MYO16: variants seen among roughly 807,000 people sequenced by gnomAD.
The protein encoded by MYO16 is unconventional myosin-XVI.
In MYO16, 94 loss-of-function variants were observed where a neutral mutation model predicts 205.3. The observed-to-expected ratio is 0.46, with a 90% CI of 0.39 to 0.54. MYO16 has a LOEUF of 0.54. Among genes scored for constraint, MYO16 ranks in the 20% least tolerant of loss-of-function variants. The pLI is 0.00. For missense variants in MYO16, 2,315 were observed against 2,387.5 expected (o/e 0.97, Z 0.63); for synonymous variants, 988 against 954.0 (o/e 1.04, Z -0.66).
chr13:108,855,696 G>A lies in MYO16; in HGVS notation c.1359+143G>A, dbSNP rs1343741717. On this transcript the variant is annotated intron_variant, in intron 11 of 34. Transcript: ENST00000457511. ...TAGCTGAAGTTGAATTTCTTAAGGT[G>A]AGTTTAGCTTCATTCTGGCTCAGTT... is the stretch of plus-strand genomic sequence containing the variant. The A allele has an allele frequency of 7.0e-6, 4 of 567,932 alleles. No homozygotes were observed. In the African/African-American group the frequency reaches 7.4e-5, roughly 11 times the overall value. The allele number at this position is 567,932 out of a possible 1,614,324, so 35.2% of individuals were successfully genotyped here.
At chr13:108,789,933 A>G (rs576241691) in intron 5 of MYO16, among the ~76,000 whole-genome samples, 3 of 152,182 alleles carry the variant, frequency 2.0e-5, no homozygotes, top group Non-Finnish European at 2.9e-5. Context: ...ACCAAGGAGG[A>G]AGGATATGAT....
Position 109,140,600 on chromosome 13 carries a change from A to C in MYO16, c.4388A>C (p.Asp1463Ala). 1 of 1,521,232 alleles carries C rather than the reference A, an allele frequency of 6.6e-7. No individual in the cohort carries two copies. The highest frequency in any genetic ancestry group is 8.8e-7 in the Non-Finnish European group (1 of 1,140,630). The allele number at this position is 1,521,232 out of a possible 1,614,324, so 94.2% of individuals were successfully genotyped here. A position where few individuals can be genotyped will look rare whatever the true frequency, so the allele number is the denominator to read the frequency against. Reference protein sequence around the residue: ...VYEEMKCCLPDDGGPGAGSFL... With the variant: ...VYEEMKCCLPADGGPGAGSFL... ...GAGGAGATGAAGTGTTGCCTGCCCGACGACGGCGGCCCGGGCGCGGGCTCC... is the reference window on the plus strand; with the variant it reads ...GAGGAGATGAAGTGTTGCCTGCCCGCCGACGGCGGCCCGGGCGCGGGCTCC... Residue 1463 changes from aspartate to alanine, a missense_variant, in exon 32 of 35, where the codon GAC becomes GCC. By Grantham distance (126) the Asp-to-Ala change is moderately radical. Coordinates refer to ENST00000457511, the MANE Select transcript of MYO16 (RefSeq NM_001198950.3). The surrounding 1 kb of genome is among the most constrained non-coding windows in gnomAD (Gnocchi z 8.0).
At chr13:108,774,690 G>A (rs542468549) in intron 4 of MYO16, among the ~76,000 whole-genome samples, 57 of 152,058 alleles carry the variant, frequency 3.7e-4, no homozygotes, top group South Asian at 2.3e-3. Context: ...AGGCTAACAA[G>A]TACTGTCAGT....
chr13:109,076,618 T>C (rs1888114214), intron 27 of MYO16, among the ~76,000 whole-genome samples: 1 of 152,100 alleles, frequency 6.6e-6, no homozygotes. Context: ...AGAAATCCCA[T>C]AGCAGAGGGC....
At chr13:109,173,887 C>CAAAAAAA (rs778094207) in intron 33 of MYO16, among the ~76,000 whole-genome samples, 8 of 29,114 alleles carry the variant, frequency 2.7e-4, no homozygotes, top group Admixed American at 6.1e-4. Context: ...GACTCCATCT[C>CAAAAAAA]AAAAAAAAAA....
intron 23 of MYO16, among the ~76,000 whole-genome samples, chr13:109,036,536 T>C (rs1048616212): frequency 2.6e-5 from 4 of 152,182 alleles, no homozygotes; most frequent in Non-Finnish European, 5.9e-5. Flanking sequence ...CTCAAGTTTA[T>C]ATTGCACCCC....
At chr13:108,865,468 C>T (rs1472602963) in intron 11 of MYO16, among the ~76,000 whole-genome samples, 2 of 151,964 alleles carry the variant, frequency 1.3e-5, no homozygotes, top group Non-Finnish European at 2.9e-5. Flanking sequence ...TCCATAGTCA[C>T]CTTCTTTGCT....
the MYO16 span, among the ~76,000 whole-genome samples, chr13:108,508,866 G>C: frequency 6.6e-6 from 1 of 152,158 alleles, no homozygotes; most frequent in Non-Finnish European, 1.5e-5. Context: ...TTTTGGGAGA[G>C]TGAGGGATGG....
At chr13:108,606,208 G>C (rs1199219614) in intron 1 of MYO16, among the ~76,000 whole-genome samples, 3 of 152,178 alleles carry the variant, frequency 2.0e-5, no homozygotes, top group Non-Finnish European at 2.9e-5. Context: ...TTTCTGGAGA[G>C]AAATTCAAGT....
At chr13:109,179,710 C>T in intron 34 of MYO16, 77 bp downstream of exon 34, 1 of 1,157,932 alleles carries the variant, frequency 8.6e-7, no homozygotes, top group African/African-American at 1.5e-5. Context: ...AACTTGTTAC[C>T]AATAGATGCT....
intron 9 of MYO16, among the ~76,000 whole-genome samples, chr13:108,826,891 T>C (rs1055459258): frequency 6.6e-6 from 1 of 152,118 alleles, no homozygotes; most frequent in African/African-American, 2.4e-5. Context: ...AAATCAGTGT[T>C]GGCAAGGATG....
rs146559241 is a variant in MYO16 at position 108,673,629 on chromosome 13, G to A, written c.292+7480G>A. Among the ~76,000 whole-genome samples the A allele has an allele frequency of 3.3e-3, 504 of 152,012 alleles. 4 individuals carry two copies. The highest frequency in any genetic ancestry group is 0.012 in the African/African-American group (491 of 41,452). On this transcript the variant is annotated intron_variant, in intron 2 of 34. Transcript: ENST00000457511. Reference sequence around the variant, plus strand: ...ATCCTTGTACCAGCTTCCTTAGTTGGTTACCTCTTCTATTGATCTCAGACT... The same window carrying A: ...ATCCTTGTACCAGCTTCCTTAGTTGATTACCTCTTCTATTGATCTCAGACT...
intron 4 of MYO16, among the ~76,000 whole-genome samples, chr13:108,734,865 T>C (rs1044847109): frequency 6.6e-6 from 1 of 152,216 alleles, no homozygotes; most frequent in African/African-American, 2.4e-5. Flanking sequence ...TGGTGGCCAC[T>C]AGGTCGCATG....
intron 16 of MYO16, among the ~76,000 whole-genome samples, chr13:108,923,203 G>T (rs1476338625): frequency 1.3e-5 from 2 of 152,238 alleles, no homozygotes; most frequent in African/African-American, 2.4e-5. Context: ...AGACCTGGGG[G>T]CTGCGTGTAT....
At chr13:108,792,736 T>A (rs1485899746) in intron 5 of MYO16, among the ~76,000 whole-genome samples, 1 of 152,110 alleles carries the variant, frequency 6.6e-6, no homozygotes, top group Non-Finnish European at 1.5e-5. Context: ...GGTCTTCAGC[T>A]CTTGCCCTCA....
At chr13:109,199,500 G>T (rs1880321009) in intron 34 of MYO16, among the ~76,000 whole-genome samples, 1 of 151,894 alleles carries the variant, frequency 6.6e-6, no homozygotes, top group African/African-American at 2.4e-5. Context: ...TTCCAGAAAA[G>T]AAAATAAATA....
chr13:108,516,582 C>T, the MYO16 span, among the ~76,000 whole-genome samples: 1 of 152,192 alleles, frequency 6.6e-6, no homozygotes, highest in Non-Finnish European at 1.5e-5. Context: ...AGGTGATATA[C>T]AGGCACACGT....
rs1285235020 is a variant in MYO16 at position 109,140,161 on chromosome 13, C to T, written c.4052-103C>T. The T allele has an allele frequency of 5.3e-6, 8 of 1,510,760 alleles. No homozygotes were observed. In the African/African-American group the frequency reaches 5.7e-5, roughly 11 times the overall value. The allele number at this position is 1,510,760 out of a possible 1,614,324, so 93.6% of individuals were successfully genotyped here. A position where few individuals can be genotyped will look rare whatever the true frequency, so the allele number is the denominator to read the frequency against. ...CATGCAGGCCCGGTCCCTTGGGATT[C>T]TCGGGGCACGGGGCCGTGGCTCCCT... On this transcript the variant is annotated intron_variant, in intron 31 of 34. Transcript: ENST00000457511. This position sits in a 1 kb window ranked among gnomAD's most constrained non-coding sequence, Gnocchi z 8.0.
intron 15 of MYO16, among the ~76,000 whole-genome samples, chr13:108,908,709 C>A (rs1182852578): frequency 2.0e-5 from 3 of 152,086 alleles, no homozygotes; most frequent in African/African-American, 7.2e-5. Context: ...CGTGATGGCT[C>A]ACCCCTGTAA....
Sources: allele counts gnomAD v4.1 joint callset (sites outside exome capture counted in the v4.1 genomes callset), GRCh38; gene constraint gnomAD v4.1.1; non-coding constraint Gnocchi (gnomAD v3.1); transcripts MANE v1.5; gene names NCBI Gene and HGNC (gene_info 2026-07-23, HGNC 2026-07-21).